Variants in EFEMP2 observed in about 807,000 individuals in gnomAD.
The protein encoded by EFEMP2 is EGF-containing fibulin-like extracellular matrix protein 2.
A neutral mutation model predicts 55.3 loss-of-function variants in EFEMP2; 21 were observed. The observed-to-expected ratio is 0.38, with a 90% CI of 0.27 to 0.55. The LOEUF (loss-of-function observed/expected upper bound fraction) is 0.55. EFEMP2 is among the 20% of genes least tolerant of loss of function. The pLI is 0.77. For missense variants in EFEMP2, 513 were observed against 615.1 expected, an observed-to-expected ratio of 0.83 and a Z score of 1.76; for synonymous variants, 275 against 242.3, an observed-to-expected ratio of 1.14 and a Z score of -1.25.
chr11:65,870,573 G>C lies in EFEMP2; in HGVS notation c.453C>G (p.Cys151Trp). ...GCCCGATCTTGCGGTAACCATCAGG[G>C]CAGGTGCACTGATAGGAGCCAGGCA... ...HNLPGSYQCT[C>W]PDGYRKIGPE... Residue 151 changes from cysteine to tryptophan, a missense_variant, in exon 5 of 11, where the codon TGC becomes TGG. Physicochemically the swap from Cys to Trp is radical, Grantham distance 215. Transcript: ENST00000307998. 1 of 1,614,156 alleles carries C rather than the reference G, an allele frequency of 6.2e-7. No homozygotes were observed. The highest frequency in any genetic ancestry group is 8.5e-7 in the Non-Finnish European group (1 of 1,180,000).
At position 65,871,997 on chromosome 11, in the gene EFEMP2, A is replaced by G; in HGVS notation, c.133T>C (p.Trp45Arg). The change falls in exon 3 of 11, where the codon TGG becomes CGG. Residue 45 changes from tryptophan (W) to arginine (R), a missense_variant. By Grantham distance (101) the Trp-to-Arg change is moderately radical. Transcript: ENST00000307998. ...SYTECTDGYE[W>R]DPDSQHCRDV... The stretch of plus-strand genomic sequence containing the variant: ...CGGCAGTGCTGGCTGTCTGGGTCCC[A>G]CTCATAGCCATCTGTGCATTCCTGG... 4.5e-6 allele frequency: 7 copies of G among 1,551,410 alleles called. No individual in the cohort carries two copies. Among genetic ancestry groups the G allele is most frequent in the Non-Finnish European group, 6.1e-6 (7 of 1,146,900 alleles).
intron 7 of EFEMP2, 56 bp downstream of exon 7, chr11:65,869,801 C>A: frequency 6.2e-7 from 1 of 1,610,416 alleles, no homozygotes; most frequent in Non-Finnish European, 8.5e-7. Context: ...GGAGGCACGG[C>A]ATAGCTAGGG....
Position 65,871,169 on chromosome 11 carries a change from C to G in EFEMP2, c.355G>C (p.Asp119His), listed in dbSNP as rs756326099. ...AGTCCCCACTCACCCACACAGCTGT[C>G]CTGATCGTCGGGCTCATAGCCTGGT... The part of the protein sequence containing the change: ...CPPGYEPDDQ[D>H]SCVDVDECAQ... Residue 119 changes from aspartate to histidine, a missense_variant, in exon 4 of 11, where the codon GAC (aspartate) becomes CAC (histidine). Coordinates refer to ENST00000307998, the MANE Select transcript of EFEMP2 (RefSeq NM_016938.5). 3 of 1,614,062 alleles carry G rather than the reference C, an allele frequency of 1.9e-6. No individual in the cohort carries two copies. In the South Asian group the frequency reaches 3.3e-5, roughly 18 times the overall value.
intron 2 of EFEMP2, 33 bp downstream of exon 2, chr11:65,872,211 C>G (rs752667655): frequency 9.5e-5 from 147 of 1,540,336 alleles, no homozygotes; most frequent in Non-Finnish European, 1.3e-4. Flanking sequence ...CCTACCCTTC[C>G]TGTCCCAGGC....
intron 10 of EFEMP2, chr11:65,867,649 T>G (rs749426147): frequency 1.6e-6 from 1 of 625,196 alleles, no homozygotes; most frequent in Non-Finnish European, 2.9e-6. Flanking sequence ...GTACCAGGAC[T>G]CAAACTCCCG....
Position 65,866,613 on chromosome 11 carries a change from G to T in EFEMP2, c.*305C>A. On this transcript the variant is annotated 3_prime_UTR_variant, in exon 11 of 11. Transcript: ENST00000307998. ...CCAGCCAAGTCCAAATCTCTGGGCC[G>T]GGGCCTGGAGTCCGCCCTCCTCGTT... The T allele has an allele frequency of 1.4e-6, 1 of 702,962 alleles. No individual in the cohort carries two copies. 43.5% of individuals were successfully genotyped at this position (702,962 alleles called of 1,614,324 possible).
chr11:65,872,328 G>C lies in EFEMP2; in HGVS notation c.27C>G (p.Pro9=), dbSNP rs144817331. The C allele has an allele frequency of 1.7e-4, 267 of 1,551,634 alleles. 1 individual carries two copies. In the African/African-American group the frequency reaches 3.3e-3, roughly 19 times the overall value. The change falls in exon 2 of 11, where the codon CCC becomes CCG. Residue 9 remains proline (P), a synonymous_variant. Coordinates refer to ENST00000307998, the MANE Select transcript of EFEMP2 (RefSeq NM_016938.5). ...GCAGCGCCCAGAGCAGTAGAGACCCGGGTAGGCAGGAGGCGCAGGGGAGCA... is the reference window on the plus strand; with the variant it reads ...GCAGCGCCCAGAGCAGTAGAGACCCCGGTAGGCAGGAGGCGCAGGGGAGCA... MLPCASCL[P]GSLLLWALLL...
Position 65,870,635 on chromosome 11 carries a change from G to A in EFEMP2, c.391C>T (p.Leu131=), listed in dbSNP as rs1190677328. ...TCCTGGCTGGGGCGACAGTCGTGCA[G>A]GGCCTGGGCACACTCGTCCACATCT... is the stretch of plus-strand genomic sequence containing the variant. ...CVDVDECAQA[L]HDCRPSQDCH... Residue 131 remains leucine, a synonymous_variant, in exon 5 of 11, where the codon CTG becomes TTG. Transcript: ENST00000307998. 6.2e-7 allele frequency: 1 copy of A among 1,614,084 alleles called. No individual in the cohort carries two copies.
intron 10 of EFEMP2, 141 bp from the exon 11 acceptor site, chr11:65,867,220 CTCTT>C: frequency 1.1e-6 from 1 of 919,290 alleles, no homozygotes; most frequent in East Asian, 2.6e-5. Flanking sequence ...TCTCATGCAG[CTCTT>C]TGACACCCTC....
chr11:65,871,132 A>G (rs757526111), intron 4 of EFEMP2, 25 bp downstream of exon 4: 1 of 1,613,444 alleles, frequency 6.2e-7, no homozygotes, highest in Non-Finnish European at 8.5e-7. Flanking sequence ...ACTGGAAGCC[A>G]GGCACCAGAG....
intron 7 of EFEMP2, 22 bp downstream of exon 7, chr11:65,869,835 A>G (rs774805744): frequency 1.9e-6 from 3 of 1,613,458 alleles, no homozygotes; most frequent in Non-Finnish European, 2.5e-6. Flanking sequence ...AGAGGAGTAC[A>G]CAGCAGGGAT....
chr11:65,867,144 G>A, intron 10 of EFEMP2, 65 bp from the exon 11 acceptor site: 2 of 1,600,094 alleles, frequency 1.2e-6, no homozygotes, highest in Non-Finnish European at 1.7e-6. Context: ...CCCTGCCCCA[G>A]CGTCACCTCC....
At chr11:65,867,595 C>T in intron 10 of EFEMP2, 1 of 530,602 alleles carries the variant, frequency 1.9e-6, no homozygotes, top group Non-Finnish European at 3.4e-6. Context: ...CACGCCATTC[C>T]CTTGGTTTGT....
At chr11:65,871,106 G>C (rs764715165) in intron 4 of EFEMP2, 51 bp downstream of exon 4, 16 of 1,604,126 alleles carry the variant, frequency 1.0e-5, no homozygotes, top group Non-Finnish European at 1.4e-5. Flanking sequence ...CTGAGTTTAA[G>C]ACGCCTGGTG....
intron 3 of EFEMP2, chr11:65,871,655 C>A: frequency 1.7e-6 from 1 of 596,650 alleles, no homozygotes; most frequent in East Asian, 2.8e-5. Flanking sequence ...CCTTACCCAC[C>A]CCTGGGGACG....
At chr11:65,867,679 A>G (rs768750683) in intron 10 of EFEMP2, 182 bp downstream of exon 10, 48 of 684,672 alleles carry the variant, frequency 7.0e-5, no homozygotes, top group Non-Finnish European at 1.1e-4. Context: ...GCTTCGTTAG[A>G]ATTGCATTTA....
chr11:65,867,073 T>G lies in EFEMP2; in HGVS notation c.1177A>C (p.Asn393His). ...SQGDFYIRQI[N>H]NVSAMLVLAR... ...AGGACCAGCATGGCGCTGACGTTGT[T>G]GATTTGCTGCAGGGCAGTGGGTGGG... is the stretch of plus-strand genomic sequence containing the variant. The change falls in exon 11 of 11, where the codon AAC becomes CAC. Residue 393 changes from asparagine to histidine, a missense_variant. Transcript: ENST00000307998. The G allele has an allele frequency of 6.2e-7, 1 of 1,614,060 alleles. No homozygotes were observed. Among genetic ancestry groups the G allele is most frequent in the Non-Finnish European group, 8.5e-7 (1 of 1,179,998 alleles).
rs1166325307 is a variant in EFEMP2, at chr11:65,867,020, C to T, written c.1230G>A (p.Glu410=). The change falls in exon 11 of 11, where the codon GAG becomes GAA. Residue 410 remains glutamate (E), a synonymous_variant. Coordinates refer to ENST00000307998, the MANE Select transcript of EFEMP2 (RefSeq NM_016938.5). The stretch of plus-strand genomic sequence containing the variant: ...TGACCATCTCCAGGTCCAGCACGTA[C>T]TCCCGGGGGCCCGTCACCGGCCGGG... ...VLARPVTGPR[E]YVLDLEMVTM... is the part of the protein sequence containing the mutation. 6.2e-7 allele frequency: 1 copy of T among 1,614,200 alleles called. No homozygotes were observed. The highest frequency in any genetic ancestry group is 8.5e-7 in the Non-Finnish European group (1 of 1,180,038).
intron 1 of EFEMP2, 94 bp downstream of exon 1, chr11:65,872,589 C>G (rs1432243800): frequency 8.7e-6 from 3 of 343,824 alleles, no homozygotes; most frequent in Non-Finnish European, 1.6e-5. Flanking sequence ...CGGCGAAGGC[C>G]GAGGAGCGCG....
Sources: gnomAD v4.1 joint callset for allele counts on GRCh38, gnomAD v4.1.1 for gene constraint, MANE v1.5 for transcripts, NCBI Gene and HGNC (gene_info 2026-07-23, HGNC 2026-07-21) for gene names.